The following SGCD variants were observed in gnomAD, a reference collection of about 807,000 sequenced individuals.
SGCD encodes the protein delta-sarcoglycan.
SGCD carries 18 observed loss-of-function variants against 36.6 expected under a neutral mutation model. The ratio of observed to expected loss-of-function variants is 0.49; its 90% CI spans 0.34 to 0.73. SGCD has a LOEUF of 0.73. SGCD is among the 30% of genes least tolerant of loss of function. The pLI, the probability that SGCD is intolerant of heterozygous loss-of-function variation, is 0.01. For synonymous variants in SGCD, 133 were observed against 130.6 expected (o/e 1.02, Z -0.12); for missense variants, 387 against 346.7 (o/e 1.12, Z -0.92).
chr5:155,980,461 G>A (rs1029712901), intron 1 of SGCD, among the ~76,000 whole-genome samples: 1 of 151,472 alleles, frequency 6.6e-6, no homozygotes, highest in Admixed American at 6.6e-5. Context: ...GGTGGCAGAC[G>A]CCTGTAGACC....
At chr5:156,755,710 G>C (rs141075860) in intron 7 of SGCD, among the ~76,000 whole-genome samples, 1 of 152,300 alleles carries the variant, frequency 6.6e-6, no homozygotes, top group East Asian at 1.9e-4. Flanking sequence ...GTGGGGAGTG[G>C]AGGATTTTTG....
At chr5:156,430,229 A>C (rs966015812) in intron 3 of SGCD, among the ~76,000 whole-genome samples, 3 of 151,734 alleles carry the variant, frequency 2.0e-5, no homozygotes, top group Non-Finnish European at 2.9e-5. Context: ...TTTTTTCTTT[A>C]TCTGATTGGT....
intron 4 of SGCD, among the ~76,000 whole-genome samples, chr5:156,540,868 G>C (rs1758323598): frequency 6.6e-6 from 1 of 152,188 alleles, no homozygotes; most frequent in South Asian, 2.1e-4. Context: ...CCAGGGGGCT[G>C]AGGGCTAGGG....
chr5:156,337,688 G>T (rs905926826), intron 2 of SGCD, among the ~76,000 whole-genome samples: 1 of 152,056 alleles, frequency 6.6e-6, no homozygotes, highest in Non-Finnish European at 1.5e-5. Context: ...AGTTCTAGGG[G>T]TTTCATTATT....
chr5:156,340,679 T>A (rs1768603913), intron 2 of SGCD, among the ~76,000 whole-genome samples: 1 of 152,200 alleles, frequency 6.6e-6, no homozygotes, highest in Non-Finnish European at 1.5e-5. Flanking sequence ...ATGACTATTG[T>A]CATGATTTAC....
At chr5:156,532,333 C>A (rs1382336797) in intron 4 of SGCD, among the ~76,000 whole-genome samples, 1 of 152,142 alleles carries the variant, frequency 6.6e-6, no homozygotes, top group African/African-American at 2.4e-5. Flanking sequence ...AAGTACTTTG[C>A]AGAGGGCCCA....
intron 3 of SGCD, among the ~76,000 whole-genome samples, chr5:156,311,684 A>C (rs1767393561): frequency 6.6e-6 from 1 of 152,138 alleles, no homozygotes; most frequent in Non-Finnish European, 1.5e-5. Flanking sequence ...AGTTCTAATC[A>C]TATTGGGTTT....
chr5:156,002,347 G>C (rs1017891503), intron 1 of SGCD, among the ~76,000 whole-genome samples: 2 of 152,198 alleles, frequency 1.3e-5, no homozygotes, highest in African/African-American at 4.8e-5. Flanking sequence ...TTTGGTCGTG[G>C]ATTTCTAGCT....
At chr5:156,276,053 A>G (rs1301779567) in intron 3 of SGCD, among the ~76,000 whole-genome samples, 2 of 152,150 alleles carry the variant, frequency 1.3e-5, no homozygotes, top group Non-Finnish European at 2.9e-5. Context: ...CTCCCCAGCC[A>G]AGGTTCTGTA....
At chr5:156,447,843 G>A (rs1353127599) in intron 3 of SGCD, among the ~76,000 whole-genome samples, 1 of 152,070 alleles carries the variant, frequency 6.6e-6, no homozygotes, top group East Asian at 1.9e-4. Flanking sequence ...CTGTTACTGA[G>A]TACTTACCAT....
chr5:155,974,582 G>A (rs1758072243), intron 1 of SGCD, among the ~76,000 whole-genome samples: 2 of 151,650 alleles, frequency 1.3e-5, no homozygotes, highest in South Asian at 4.2e-4. Flanking sequence ...GCGATGTCTG[G>A]GGCCAGTAGT....
chr5:156,470,546 A>G (rs761977996), intron 3 of SGCD, among the ~76,000 whole-genome samples: 5 of 129,568 alleles, frequency 3.9e-5, no homozygotes, highest in Non-Finnish European at 7.9e-5. Context: ...TCCTGTGTCC[A>G]TGTGTTCTCA....
chr5:156,276,432 T>TAGTA (rs1766320125), intron 3 of SGCD, among the ~76,000 whole-genome samples: 1 of 152,190 alleles, frequency 6.6e-6, no homozygotes, highest in African/African-American at 2.4e-5. Context: ...GGATACTTGG[T>TAGTA]AGTAGTTTGA....
At chr5:156,648,343 A>G (rs553738470) in intron 7 of SGCD, among the ~76,000 whole-genome samples, 2 of 151,056 alleles carry the variant, frequency 1.3e-5, no homozygotes, top group Non-Finnish European at 1.5e-5. Context: ...TAACTGTTTC[A>G]TGATAGACAC....
intron 1 of SGCD, among the ~76,000 whole-genome samples, chr5:156,105,925 A>C (rs1233541852): frequency 6.6e-6 from 1 of 151,802 alleles, no homozygotes; most frequent in Non-Finnish European, 1.5e-5. Context: ...TGCCTGGCGA[A>C]GATGGTGAAA....
At chr5:155,735,521 T>C in the SGCD span, among the ~76,000 whole-genome samples, 18,902 of 152,168 alleles carry the variant, frequency 0.12, 1,887 homozygotes, top group African/African-American at 0.28. Flanking sequence ...CCTGAGGTCA[T>C]CCAGCAAGTT....
chr5:156,386,723 A>C (rs569922913), intron 3 of SGCD, among the ~76,000 whole-genome samples: 1 of 152,214 alleles, frequency 6.6e-6, no homozygotes, highest in African/African-American at 2.4e-5. Context: ...CACTCTTTAG[A>C]GCTTCGGAGC....
chr5:156,222,431 G>A (rs1764737751), intron 3 of SGCD, among the ~76,000 whole-genome samples: 1 of 151,996 alleles, frequency 6.6e-6, no homozygotes, highest in Non-Finnish European at 1.5e-5. Context: ...CAGAGGAGTG[G>A]CAAGTTTTGA....
chr5:156,507,888 A>T (rs1385077566), intron 3 of SGCD, among the ~76,000 whole-genome samples: 1 of 152,208 alleles, frequency 6.6e-6, no homozygotes, highest in Non-Finnish European at 1.5e-5. Context: ...CATATTAGTG[A>T]AATTTGAACA....
Sources: allele counts gnomAD v4.1 joint callset (sites outside exome capture counted in the v4.1 genomes callset), GRCh38; gene constraint gnomAD v4.1.1; transcripts MANE v1.5; gene names NCBI Gene and HGNC (gene_info 2026-07-23, HGNC 2026-07-21).